Variants in CDH18 observed in about 807,000 individuals in gnomAD.
CDH18 encodes cadherin-18.
A neutral mutation model predicts 67.9 loss-of-function variants in CDH18; 31 were observed. The observed-to-expected ratio is 0.46, with a 90% CI of 0.34 to 0.62. The LOEUF is 0.62. Ranked by LOEUF, CDH18 falls within the 20% of genes least tolerant of loss-of-function variation. The probability of loss-of-function intolerance (pLI) is 0.01; values close to 1 mark genes in which losing one functional copy is unlikely to be tolerated. For missense variants in CDH18, 890 were observed against 975.5 expected (o/e 0.91, Z 1.17); for synonymous variants, 362 against 347.2 (o/e 1.04, Z -0.48).
rs140455987 is a variant in CDH18 at position 19,666,296 on chromosome 5, C to T, written c.644-53695G>A. ...TTATTATTATTATTTTCTCTAGAGA[C>T]GGGGTCTCATCAGGTATCCCAGGCT... On this transcript the variant is annotated intron_variant, in intron 5 of 12. Transcript: ENST00000382275. Among the ~76,000 whole-genome samples the T allele has an allele frequency of 7.9e-3, 1,156 of 145,622 alleles. 9 individuals carry two copies. Among genetic ancestry groups the T allele is most frequent in the Non-Finnish European group, 0.014 (911 of 65,994 alleles).
chr5:19,835,024 T>C (rs1484137273), intron 3 of CDH18, among the ~76,000 whole-genome samples: 2 of 152,166 alleles, frequency 1.3e-5, no homozygotes, highest in Non-Finnish European at 2.9e-5. Flanking sequence ...TTACTGGATA[T>C]ATACCCAAAG....
chr5:20,260,519 C>G (rs1744568413), intron 1 of CDH18, among the ~76,000 whole-genome samples: 1 of 152,042 alleles, frequency 6.6e-6, no homozygotes, highest in Admixed American at 6.6e-5. Context: ...GGATGAGAAT[C>G]TGAGGAACCC....
chr5:19,894,398 T>C (rs1321775159), intron 2 of CDH18, among the ~76,000 whole-genome samples: 1 of 152,026 alleles, frequency 6.6e-6, no homozygotes, highest in African/African-American at 2.4e-5. Context: ...TTCTAATACA[T>C]ACTTAATATG....
At position 19,502,941 on chromosome 5, in the gene CDH18, A is replaced by C. The variant is rs747979120; in HGVS notation, c.1630+51T>G. The C allele has an allele frequency of 3.0e-6, 3 of 1,013,662 alleles. No homozygotes were observed. The South Asian group carries it at 3.8e-5, about 13-fold the overall frequency. The allele number at this position is 1,013,662 out of a possible 1,614,324, so 62.8% of individuals were successfully genotyped here. ...ATAAGAATAAAGCCTATTACATATA[A>C]GGTCAAAGCAGATACCACATAGATA... On this transcript the variant is annotated intron_variant, in intron 11 of 12. Coordinates refer to ENST00000382275, the MANE Select transcript of CDH18 (RefSeq NM_004934.5).
At chr5:20,526,144 C>G (rs1192220186) in intron 1 of CDH18, among the ~76,000 whole-genome samples, 1 of 152,074 alleles carries the variant, frequency 6.6e-6, no homozygotes, top group Non-Finnish European at 1.5e-5. Flanking sequence ...GCATCTATGG[C>G]AGATCGTGGC....
chr5:19,960,573 G>A (rs535525608), intron 2 of CDH18, among the ~76,000 whole-genome samples: 22 of 123,510 alleles, frequency 1.8e-4, no homozygotes, highest in African/African-American at 9.1e-4. Context: ...GTGTGTGTGT[G>A]TGTGTGTGTG....
At chr5:19,496,450 G>A (rs916090631) in intron 11 of CDH18, among the ~76,000 whole-genome samples, 1 of 152,144 alleles carries the variant, frequency 6.6e-6, no homozygotes, top group Non-Finnish European at 1.5e-5. Flanking sequence ...ATGTTGGGAG[G>A]TGGGGCCTAA....
chr5:19,769,248 T>C (rs940778956), intron 3 of CDH18, among the ~76,000 whole-genome samples: 3 of 152,120 alleles, frequency 2.0e-5, no homozygotes, highest in African/African-American at 4.8e-5. Flanking sequence ...GGGATTCATA[T>C]TGATATACAT....
intron 2 of CDH18, among the ~76,000 whole-genome samples, chr5:19,892,983 C>G (rs1788937122): frequency 6.6e-6 from 1 of 152,060 alleles, no homozygotes; most frequent in South Asian, 2.1e-4. Context: ...CTTTTGTCTC[C>G]CCAAAAGTCA....
chr5:20,046,769 A>C (rs1365887104), intron 2 of CDH18, among the ~76,000 whole-genome samples: 1 of 151,564 alleles, frequency 6.6e-6, no homozygotes, highest in Non-Finnish European at 1.5e-5. Context: ...TGAAGGACTG[A>C]ATGTTGGATT....
intron 2 of CDH18, among the ~76,000 whole-genome samples, chr5:19,948,530 T>A (rs149436237): frequency 2.7e-3 from 416 of 152,270 alleles, no homozygotes; most frequent in Non-Finnish European, 3.6e-3. Flanking sequence ...TTGCCCTCTG[T>A]AAGGGTTTCT....
chr5:19,953,956 T>C (rs1796031301), intron 2 of CDH18, among the ~76,000 whole-genome samples: 1 of 152,066 alleles, frequency 6.6e-6, no homozygotes, highest in South Asian at 2.1e-4. Flanking sequence ...CACAAAAAAG[T>C]TGAAGAGACT....
At chr5:19,704,562 G>C (rs535206092) in intron 5 of CDH18, among the ~76,000 whole-genome samples, 1 of 152,084 alleles carries the variant, frequency 6.6e-6, no homozygotes, top group East Asian at 1.9e-4. Context: ...AAGGAATTGC[G>C]TCAAGCAGAA....
chr5:19,944,532 G>A (rs1439111239), intron 2 of CDH18, among the ~76,000 whole-genome samples: 1 of 152,112 alleles, frequency 6.6e-6, no homozygotes, highest in Non-Finnish European at 1.5e-5. Context: ...CACATGCCTG[G>A]AGAAATGCAT....
At chr5:20,514,996 G>T (rs1383815559) in intron 1 of CDH18, among the ~76,000 whole-genome samples, 1 of 151,704 alleles carries the variant, frequency 6.6e-6, no homozygotes, top group Non-Finnish European at 1.5e-5. Flanking sequence ...TAATATTCAT[G>T]CTGGGGAGTA....
chr5:19,516,168 T>C (rs534416583), intron 10 of CDH18, among the ~76,000 whole-genome samples: 2 of 152,200 alleles, frequency 1.3e-5, no homozygotes, highest in Non-Finnish European at 2.9e-5. Context: ...TTTGCGTAGG[T>C]TGAACCAGCC....
At chr5:20,416,821 A>G (rs1207053301) in intron 1 of CDH18, among the ~76,000 whole-genome samples, 3 of 152,120 alleles carry the variant, frequency 2.0e-5, no homozygotes, top group Non-Finnish European at 2.9e-5. Context: ...GATAATTTGG[A>G]GATATGCCCT....
intron 2 of CDH18, among the ~76,000 whole-genome samples, chr5:19,960,772 TAC>T (rs1160589630): frequency 2.2e-5 from 3 of 138,368 alleles, no homozygotes; most frequent in East Asian, 4.0e-4. Flanking sequence ...TATGTATATA[TAC>T]ACGTGTATAT....
rs1741341093 is a variant in CDH18 at position 19,490,800 on chromosome 5, A to C, written c.1631-7248T>G. Among the ~76,000 whole-genome samples, 3 of 152,010 alleles carry C rather than the reference A, an allele frequency of 2.0e-5. No individual in the cohort carries two copies. In the South Asian group the frequency reaches 6.2e-4, roughly 32 times the overall value. ...CAGTTTTCTTTCATTTGTGAGTAGG[A>C]GTAAAAAGGTGAGAGGTGGTGTGGG... On this transcript the variant is annotated intron_variant, in intron 11 of 12. Coordinates refer to ENST00000382275, the MANE Select transcript of CDH18 (RefSeq NM_004934.5).
Sources: allele counts gnomAD v4.1 joint callset (sites outside exome capture counted in the v4.1 genomes callset), GRCh38; gene constraint gnomAD v4.1.1; transcripts MANE v1.5; gene names NCBI Gene and HGNC (gene_info 2026-07-23, HGNC 2026-07-21).